NAA60: variants seen among roughly 807,000 people sequenced by gnomAD.
NAA60 encodes N-alpha-acetyltransferase 60, NatF catalytic subunit.
NAA60 carries 8 observed loss-of-function variants against 26.1 expected under a neutral mutation model. The observed-to-expected ratio is 0.31, with a 90% CI of 0.18 to 0.55. The LOEUF is 0.55. Among genes scored for constraint, NAA60 ranks in the 20% least tolerant of loss-of-function variants. NAA60 has a pLI of 0.93. For synonymous variants in NAA60, 131 were observed against 122.5 expected, an observed-to-expected ratio of 1.07 and a Z score of -0.46; for missense variants, 290 against 311.3, an observed-to-expected ratio of 0.93 and a Z score of 0.51.
intron 3 of NAA60, among the ~76,000 whole-genome samples, chr16:3,477,909 C>G (rs1300393473): frequency 6.6e-6 from 1 of 152,080 alleles, no homozygotes; most frequent in African/African-American, 2.4e-5. Context: ...ACTAAAAATA[C>G]AAAAAAATTA....
chr16:3,452,417 G>T (rs2034820325), intron 2 of NAA60, among the ~76,000 whole-genome samples: 2 of 152,116 alleles, frequency 1.3e-5, no homozygotes, highest in Non-Finnish European at 2.9e-5. Flanking sequence ...CACTTTGGGA[G>T]GCTGAGGTGG....
intron 2 of NAA60, among the ~76,000 whole-genome samples, chr16:3,471,845 G>A (rs1452854066): frequency 6.6e-6 from 1 of 152,196 alleles, no homozygotes; most frequent in Non-Finnish European, 1.5e-5. Context: ...GGTTCCTGTA[G>A]CAAGGAGGAG....
chr16:3,446,711 A>G (rs1160051306), intron 1 of NAA60, among the ~76,000 whole-genome samples: 1 of 151,590 alleles, frequency 6.6e-6, no homozygotes, highest in Non-Finnish European at 1.5e-5. Flanking sequence ...CCTGGGTTCA[A>G]GTGATTCTTG....
chr16:3,458,251 G>T (rs1229064984), intron 2 of NAA60: 5 of 932,964 alleles, frequency 5.4e-6, no homozygotes, highest in African/African-American at 3.6e-5. Flanking sequence ...GGGTAGGCGG[G>T]GAGGCCGCGC....
At chr16:3,483,243 G>A (rs1193096799) in intron 5 of NAA60, 120 bp from the exon 6 acceptor site, 9 of 738,472 alleles carry the variant, frequency 1.2e-5, no homozygotes, top group South Asian at 9.6e-5. Flanking sequence ...AAGAAAGGCT[G>A]GTCTCTGATA....
chr16:3,444,015 C>A (rs2034447971), intron 1 of NAA60, 178 bp downstream of exon 1: 1 of 1,210,822 alleles, frequency 8.3e-7, no homozygotes, highest in Non-Finnish European at 1.1e-6. Flanking sequence ...ACGTTCACAT[C>A]GGTGTAGGCC....
chr16:3,447,280 C>T (rs951732126), intron 1 of NAA60, among the ~76,000 whole-genome samples: 2 of 152,082 alleles, frequency 1.3e-5, no homozygotes, highest in East Asian at 1.9e-4. Context: ...GAAGACTATG[C>T]GTTAAAATGG....
chr16:3,463,380 T>C (rs1341657352), intron 2 of NAA60, among the ~76,000 whole-genome samples: 10 of 147,146 alleles, frequency 6.8e-5, no homozygotes, highest in Admixed American at 6.7e-4. Context: ...AAACCCCGTC[T>C]CTACAAAAAA....
rs753387475 is a variant in NAA60, at chr16:3,443,686, C to A, written c.-228C>A. ...TTTCTCTAAGCAACCATTTCCGCTT[C>A]CGCTGGCGGGGTCTCCTCCGTGAGC... On this transcript the variant is annotated 5_prime_UTR_variant, in exon 1 of 8. Coordinates refer to ENST00000407558, the MANE Select transcript of NAA60 (RefSeq NM_001083601.3). 1 of 1,395,814 alleles carries A rather than the reference C, an allele frequency of 7.2e-7. No homozygotes were observed. The highest frequency in any genetic ancestry group is 9.3e-7 in the Non-Finnish European group (1 of 1,074,672). The allele number at this position is 1,395,814 out of a possible 1,614,324, so 86.5% of individuals were successfully genotyped here.
intron 2 of NAA60, chr16:3,467,557 G>A (rs1223805259): frequency 6.6e-6 from 1 of 152,246 alleles, no homozygotes; most frequent in Non-Finnish European, 1.5e-5. Context: ...GAGGGCACTA[G>A]GAAACAGGGT....
At chr16:3,458,523 T>C (rs1254372600) in intron 2 of NAA60, among the ~76,000 whole-genome samples, 3 of 152,086 alleles carry the variant, frequency 2.0e-5, no homozygotes, top group Non-Finnish European at 4.4e-5. Flanking sequence ...GTGGTCCTCA[T>C]GGGTACCCTG....
intron 2 of NAA60, among the ~76,000 whole-genome samples, chr16:3,463,094 G>A (rs538661075): frequency 6.6e-6 from 1 of 152,214 alleles, no homozygotes; most frequent in African/African-American, 2.4e-5. Flanking sequence ...CGGGATGAGT[G>A]CACAAAACAC....
chr16:3,483,310 A>T, intron 5 of NAA60, 53 bp from the exon 6 acceptor site: 1 of 1,336,132 alleles, frequency 7.5e-7, no homozygotes, highest in Non-Finnish European at 1.1e-6. Context: ...TAGCCCAGTC[A>T]TCCTTCCTTC....
intron 2 of NAA60, among the ~76,000 whole-genome samples, chr16:3,473,704 C>CT (rs1237767177): frequency 7.3e-6 from 1 of 137,190 alleles, no homozygotes; most frequent in East Asian, 2.3e-4. Flanking sequence ...TTGGCCCCAG[C>CT]TTTTTGTTGT....
intron 2 of NAA60, chr16:3,456,904 C>G (rs376375095): frequency 6.6e-6 from 1 of 152,152 alleles, no homozygotes; most frequent in Non-Finnish European, 1.5e-5. Context: ...ATTCTCCTGC[C>G]TCAGCCTCCC....
intron 3 of NAA60, among the ~76,000 whole-genome samples, chr16:3,476,830 T>A (rs914610734): frequency 6.6e-6 from 1 of 151,932 alleles, no homozygotes; most frequent in Non-Finnish European, 1.5e-5. Flanking sequence ...TCACCTGAGG[T>A]CAGGAGTTCA....
chr16:3,470,604 A>G (rs2036068317), intron 2 of NAA60, among the ~76,000 whole-genome samples: 1 of 149,888 alleles, frequency 6.7e-6, no homozygotes, highest in African/African-American at 2.5e-5. Context: ...GCACGGATAC[A>G]CTGGGGAGAC....
At chr16:3,469,084 T>C (rs2035950646) in intron 2 of NAA60, among the ~76,000 whole-genome samples, 2 of 102,544 alleles carry the variant, frequency 2.0e-5, no homozygotes, top group South Asian at 3.2e-4. Flanking sequence ...AGACAACATC[T>C]CAAAAAAAAA....
At chr16:3,483,321 C>T (rs749519456) in intron 5 of NAA60, 42 bp from the exon 6 acceptor site, 30 of 1,460,722 alleles carry the variant, frequency 2.1e-5, no homozygotes, top group Non-Finnish European at 2.8e-5. Flanking sequence ...TCCTTCCTTC[C>T]TAACTGCTCT....
Sources: allele counts gnomAD v4.1 joint callset (sites outside exome capture counted in the v4.1 genomes callset), GRCh38; gene constraint gnomAD v4.1.1; transcripts MANE v1.5; gene names NCBI Gene and HGNC (gene_info 2026-07-23, HGNC 2026-07-21).